The following DCLK1 variants were observed in gnomAD, a reference collection of about 807,000 sequenced individuals.
DCLK1 encodes serine/threonine-protein kinase DCLK1.
In DCLK1, 16 loss-of-function variants were observed where a neutral mutation model predicts 86.2. The ratio of observed to expected loss-of-function variants is 0.19; its 90% CI spans 0.13 to 0.28. The LOEUF (loss-of-function observed/expected upper bound fraction) is 0.28, where lower values mean the gene tolerates loss of function less well. DCLK1 is among the 10% of genes least tolerant of loss of function. DCLK1 has a pLI of 1.00. For synonymous variants in DCLK1, 369 were observed against 370.5 expected, an observed-to-expected ratio of 1.00 and a Z score of 0.05; for missense variants, 590 against 940.2, an observed-to-expected ratio of 0.63 and a Z score of 4.87.
At chr13:36,059,851 T>C (rs1453906641) in intron 3 of DCLK1, among the ~76,000 whole-genome samples, 1 of 151,036 alleles carries the variant, frequency 6.6e-6, no homozygotes, top group Non-Finnish European at 1.5e-5. Flanking sequence ...ATAACAAAGA[T>C]GACTTCACTT....
intron 15 of DCLK1, among the ~76,000 whole-genome samples, chr13:35,798,623 C>A (rs1273743622): frequency 6.6e-6 from 1 of 152,176 alleles, no homozygotes; most frequent in African/African-American, 2.4e-5. Context: ...ATTCACACTG[C>A]ACTTTGGGAG....
At chr13:35,889,450 T>G (rs1314514371) in intron 4 of DCLK1, among the ~76,000 whole-genome samples, 1 of 152,182 alleles carries the variant, frequency 6.6e-6, no homozygotes, top group Admixed American at 6.5e-5. Context: ...CAGTCTTCTG[T>G]GTCTTTCCTG....
chr13:35,976,859 G>A (rs182757353), intron 3 of DCLK1, among the ~76,000 whole-genome samples: 2 of 152,278 alleles, frequency 1.3e-5, no homozygotes, highest in African/African-American at 4.8e-5. Flanking sequence ...AGTGAGGCAT[G>A]CCTGGCTGGA....
At chr13:35,881,098 C>T (rs1050289972) in intron 4 of DCLK1, among the ~76,000 whole-genome samples, 4 of 152,090 alleles carry the variant, frequency 2.6e-5, no homozygotes, top group Non-Finnish European at 4.4e-5. Flanking sequence ...AGCAACATGC[C>T]GGGGAAAAAC....
intron 4 of DCLK1, among the ~76,000 whole-genome samples, chr13:35,902,677 G>C (rs1274909978): frequency 6.6e-6 from 1 of 152,186 alleles, no homozygotes; most frequent in African/African-American, 2.4e-5. Flanking sequence ...TGGTCTTGAG[G>C]TGTTGTCCAG....
intron 3 of DCLK1, among the ~76,000 whole-genome samples, chr13:36,014,677 T>A (rs1881458390): frequency 6.6e-6 from 1 of 152,172 alleles, no homozygotes; most frequent in African/African-American, 2.4e-5. Flanking sequence ...CAATTCTCTA[T>A]CTTTTTCTAG....
In DCLK1 at chr13:36,100,786, T is replaced by C. The variant is rs185129896; in HGVS notation, c.723+11083A>G. Among the ~76,000 whole-genome samples the C allele has an allele frequency of 4.9e-3, 739 of 152,228 alleles. 4 individuals carry two copies. Among genetic ancestry groups the C allele is most frequent in the African/African-American group, 0.017 (701 of 41,512 alleles). The stretch of plus-strand genomic sequence containing the variant: ...CAGTCTCTTAACCTCCCAGGCTGTG[T>C]TATAAGAAAATCACTCTAATTCTGA... On this transcript the variant is annotated intron_variant, in intron 3 of 16. Coordinates refer to ENST00000360631, the MANE Select transcript of DCLK1 (RefSeq NM_001330071.2).
At chr13:36,099,001 C>T (rs1885107035) in intron 3 of DCLK1, among the ~76,000 whole-genome samples, 1 of 149,308 alleles carries the variant, frequency 6.7e-6, no homozygotes, top group African/African-American at 2.5e-5. Flanking sequence ...GAGTTTCGCT[C>T]TTGTTGCCCA....
intron 3 of DCLK1, among the ~76,000 whole-genome samples, chr13:36,003,960 T>A (rs1234429891): frequency 6.6e-6 from 1 of 152,230 alleles, no homozygotes; most frequent in Non-Finnish European, 1.5e-5. Flanking sequence ...AAATTTTATA[T>A]CTTTATGTTA....
At chr13:35,861,134 A>G (rs919226510) in intron 5 of DCLK1, among the ~76,000 whole-genome samples, 1 of 152,214 alleles carries the variant, frequency 6.6e-6, no homozygotes, top group African/African-American at 2.4e-5. Context: ...TGTAAGATAA[A>G]GTGGGAGGAC....
chr13:35,906,864 C>T (rs7317766), intron 4 of DCLK1, among the ~76,000 whole-genome samples: 141,097 of 152,152 alleles, frequency 0.93, 66,314 homozygotes, highest in East Asian at 1. Context: ...GCAAATTGAG[C>T]CATTCTTATC....
chr13:35,780,000 A>G (rs2086497489), intron 16 of DCLK1, among the ~76,000 whole-genome samples: 1 of 151,406 alleles, frequency 6.6e-6, no homozygotes, highest in African/African-American at 2.4e-5. Flanking sequence ...AAAAAAAAGC[A>G]TTTGAAACAT....
intron 4 of DCLK1, among the ~76,000 whole-genome samples, chr13:35,894,715 A>T (rs1417960511): frequency 2.0e-5 from 3 of 152,138 alleles, no homozygotes; most frequent in Non-Finnish European, 4.4e-5. Context: ...TTCCTTGTTG[A>T]GAGTCTTCTT....
intron 4 of DCLK1, among the ~76,000 whole-genome samples, chr13:35,915,917 C>A (rs1875378084): frequency 1.3e-5 from 2 of 152,140 alleles, no homozygotes; most frequent in Admixed American, 6.5e-5. Context: ...TTCAAATGTT[C>A]AAGCCTGACA....
intron 12 of DCLK1, among the ~76,000 whole-genome samples, chr13:35,810,015 C>A (rs1265747649): frequency 1.3e-5 from 2 of 152,124 alleles, no homozygotes; most frequent in East Asian, 1.9e-4. Context: ...CCCCTCAGTG[C>A]CCCACCCTGT....
chr13:35,817,451 T>C (rs559255680), intron 11 of DCLK1, among the ~76,000 whole-genome samples: 2 of 152,326 alleles, frequency 1.3e-5, no homozygotes, highest in Non-Finnish European at 2.9e-5. Context: ...AAGCTACCAG[T>C]AATAAAGGAC....
At chr13:35,830,236 C>G (rs1868845424) in intron 8 of DCLK1, among the ~76,000 whole-genome samples, 1 of 151,758 alleles carries the variant, frequency 6.6e-6, no homozygotes, top group African/African-American at 2.4e-5. Flanking sequence ...AAAAAAAATA[C>G]AAAAATTAGC....
At chr13:36,000,765 A>G (rs1880677610) in intron 3 of DCLK1, among the ~76,000 whole-genome samples, 1 of 152,224 alleles carries the variant, frequency 6.6e-6, no homozygotes, top group African/African-American at 2.4e-5. Flanking sequence ...AATATGTTCC[A>G]ATGTATAAAT....
chr13:36,110,414 G>GC (rs1329444014), intron 3 of DCLK1, among the ~76,000 whole-genome samples: 1 of 152,116 alleles, frequency 6.6e-6, no homozygotes, highest in Non-Finnish European at 1.5e-5. Flanking sequence ...AGGGTTATAA[G>GC]CCAAGCAAAA....
Sources: allele counts gnomAD v4.1 joint callset (sites outside exome capture counted in the v4.1 genomes callset), GRCh38; gene constraint gnomAD v4.1.1; transcripts MANE v1.5; gene names NCBI Gene and HGNC (gene_info 2026-07-23, HGNC 2026-07-21).